The following SH3D19 variants were observed in gnomAD, a reference collection of about 807,000 sequenced individuals.
The protein encoded by SH3D19 is SH3 domain-containing protein 19.
In SH3D19, 58 loss-of-function variants were observed where a neutral mutation model predicts 112.1. The ratio of observed to expected loss-of-function variants is 0.52; its 90% CI spans 0.42 to 0.64. The LOEUF (loss-of-function observed/expected upper bound fraction) is 0.64. SH3D19 is among the 30% of genes least tolerant of loss of function. The probability of loss-of-function intolerance (pLI) is 0.00; values close to 1 mark genes in which losing one functional copy is unlikely to be tolerated. For missense variants in SH3D19, 1,090 were observed against 1,263.4 expected (o/e 0.86, Z 2.08); for synonymous variants, 391 against 448.5 (o/e 0.87, Z 1.62).
intron 1 of SH3D19, among the ~76,000 whole-genome samples, chr4:151,248,114 CTTTT>C (rs59021784): frequency 0.36 from 54,715 of 151,024 alleles, 10,842 homozygotes; most frequent in Non-Finnish European, 0.44. Flanking sequence ...TAATGTTTTA[CTTTT>C]TTTTTTTTGT....
At chr4:151,322,262 G>A (rs1207239133) in intron 1 of SH3D19, among the ~76,000 whole-genome samples, 2 of 151,538 alleles carry the variant, frequency 1.3e-5, no homozygotes, top group Admixed American at 6.6e-5. Flanking sequence ...GTGAAACCCC[G>A]TCTCCACTAA....
intron 1 of SH3D19, among the ~76,000 whole-genome samples, chr4:151,238,862 G>A (rs1320192): frequency 0.87 from 131,703 of 152,038 alleles, 57,886 homozygotes; most frequent in Non-Finnish European, 0.95. Flanking sequence ...ACAACACAAC[G>A]TCTGTTGCAA....
At chr4:151,161,181 A>T in intron 8 of SH3D19, among the ~76,000 whole-genome samples, 1 of 152,150 alleles carries the variant, frequency 6.6e-6, no homozygotes, top group East Asian at 1.9e-4. Context: ...GGCAATGAGC[A>T]AAGACCTGAA....
intron 3 of SH3D19, 101 bp from the exon 4 acceptor site, chr4:151,179,498 A>G (rs1760478636): frequency 7.9e-6 from 4 of 503,490 alleles, no homozygotes; most frequent in Middle Eastern, 1.1e-3. Flanking sequence ...TATACTTGAC[A>G]TCATATAGAA....
At chr4:151,190,375 C>A (rs1209581239) in intron 2 of SH3D19, among the ~76,000 whole-genome samples, 1 of 152,202 alleles carries the variant, frequency 6.6e-6, no homozygotes, top group East Asian at 1.9e-4. Flanking sequence ...ATCCCCAAGA[C>A]ACTATGGGGA....
chr4:151,227,519 T>A (rs1769198380), intron 1 of SH3D19, among the ~76,000 whole-genome samples: 1 of 152,226 alleles, frequency 6.6e-6, no homozygotes, highest in African/African-American at 2.4e-5. Flanking sequence ...TTAAAACTTT[T>A]CTGTTTTAAT....
chr4:151,148,288 CAGAG>C, intron 10 of SH3D19, 102 bp from the exon 11 acceptor site: 17 of 824,176 alleles, frequency 2.1e-5, no homozygotes, highest in African/African-American at 1.4e-4. Context: ...CACACACACA[CAGAG>C]ACACAGCTTT....
intron 9 of SH3D19, among the ~76,000 whole-genome samples, chr4:151,158,682 CA>C (rs200621199): frequency 2.6e-4 from 22 of 85,124 alleles, no homozygotes; most frequent in Middle Eastern, 7.9e-3. Flanking sequence ...GTTGGAAGAC[CA>C]AAAAAAAAAA....
intron 9 of SH3D19, among the ~76,000 whole-genome samples, chr4:151,150,509 T>C (rs1037681901): frequency 1.3e-5 from 2 of 151,594 alleles, no homozygotes; most frequent in Non-Finnish European, 2.9e-5. Flanking sequence ...GCAGTGGGTT[T>C]TGAACTAGAA....
At chr4:151,190,222 A>T (rs548679134) in intron 2 of SH3D19, among the ~76,000 whole-genome samples, 1 of 152,354 alleles carries the variant, frequency 6.6e-6, no homozygotes, top group South Asian at 2.1e-4. Context: ...TTTTAAAGGC[A>T]TTCAATTTTA....
chr4:151,213,676 A>T (rs1766362875), intron 2 of SH3D19, among the ~76,000 whole-genome samples: 2 of 148,644 alleles, frequency 1.3e-5, no homozygotes, highest in Non-Finnish European at 3.0e-5. Flanking sequence ...GAATTAATTA[A>T]TTAATTAATT....
chr4:151,256,730 T>C (rs1771955273), intron 1 of SH3D19, among the ~76,000 whole-genome samples: 1 of 150,738 alleles, frequency 6.6e-6, no homozygotes, highest in Non-Finnish European at 1.5e-5. Flanking sequence ...CTAGAAAGCT[T>C]CAAGTTAATT....
At chr4:151,228,092 C>T in intron 1 of SH3D19, 1 of 952,526 alleles carries the variant, frequency 1.0e-6, no homozygotes, top group Non-Finnish European at 1.2e-6. Context: ...ATACTTTCTG[C>T]TCTAAGAAAA....
intron 1 of SH3D19, among the ~76,000 whole-genome samples, chr4:151,317,943 A>G (rs2126397761): frequency 6.6e-6 from 1 of 151,884 alleles, no homozygotes; most frequent in South Asian, 2.1e-4. Flanking sequence ...GTGAGCTGAG[A>G]TTGTGCCACT....
chr4:151,148,167 T>C lies in SH3D19; in HGVS notation c.1837A>G (p.Ile613Val). The C allele has an allele frequency of 6.2e-7, 1 of 1,604,898 alleles. No individual in the cohort carries two copies. The highest frequency in any genetic ancestry group is 1.7e-5 in the Admixed American group (1 of 57,492). Reference sequence around the variant, plus strand: ...TTGGTTGGAGGCTGTTGAGTTGGAATGGTTTTTCCATTCACAGGTCTGAAA... The same window carrying C: ...TTGGTTGGAGGCTGTTGAGTTGGAACGGTTTTTCCATTCACAGGTCTGAAA... ...LPPRPVNGKT[I>V]PTQQPPTKVP... is the part of the protein sequence containing the mutation. The change falls in exon 11 of 20, where the codon ATT becomes GTT. Residue 613 changes from isoleucine to valine, a missense_variant. Transcript: ENST00000604030.
At chr4:151,154,683 T>C (rs1196708412) in intron 9 of SH3D19, among the ~76,000 whole-genome samples, 1 of 152,068 alleles carries the variant, frequency 6.6e-6, no homozygotes, top group Admixed American at 6.6e-5. Flanking sequence ...TTCAAGCAAT[T>C]TTCGTGCCTC....
intron 19 of SH3D19, among the ~76,000 whole-genome samples, chr4:151,125,493 A>AAAAC (rs1561184795): frequency 2.1e-5 from 2 of 95,468 alleles, no homozygotes; most frequent in Non-Finnish European, 4.2e-5. Context: ...AAACAAAACC[A>AAAAC]AAAAAAAAAA....
At chr4:151,229,430 G>A (rs1191069511) in intron 1 of SH3D19, among the ~76,000 whole-genome samples, 1 of 152,040 alleles carries the variant, frequency 6.6e-6, no homozygotes, top group African/African-American at 2.4e-5. Flanking sequence ...TCAAAGACCA[G>A]CAGTATATAC....
intron 1 of SH3D19, among the ~76,000 whole-genome samples, chr4:151,286,621 G>A (rs1401335883): frequency 8.8e-5 from 13 of 147,694 alleles, no homozygotes; most frequent in South Asian, 4.3e-4. Context: ...AAAAAACTAC[G>A]AAGAAATAAA....
Sources: allele counts gnomAD v4.1 joint callset (sites outside exome capture counted in the v4.1 genomes callset), GRCh38; gene constraint gnomAD v4.1.1; transcripts MANE v1.5; gene names NCBI Gene and HGNC (gene_info 2026-07-23, HGNC 2026-07-21).